Variants in SORCS1 observed in about 807,000 individuals in gnomAD.
SORCS1 encodes the protein VPS10 domain-containing receptor SorCS1.
A neutral mutation model predicts 146.1 loss-of-function variants in SORCS1; 60 were observed. The observed-to-expected ratio is 0.41, with a 90% CI of 0.33 to 0.51. SORCS1 has a LOEUF of 0.51. Ranked by LOEUF, SORCS1 falls within the 20% of genes least tolerant of loss-of-function variation. The pLI is 0.21. For synonymous variants in SORCS1, 637 were observed against 584.0 expected, an observed-to-expected ratio of 1.09 and a Z score of -1.31; for missense variants, 1,352 against 1,487.6, an observed-to-expected ratio of 0.91 and a Z score of 1.50.
intron 17 of SORCS1, among the ~76,000 whole-genome samples, chr10:106,660,046 A>G (rs1219818425): frequency 6.6e-6 from 1 of 152,168 alleles, no homozygotes; most frequent in Non-Finnish European, 1.5e-5. Flanking sequence ...CTTTAAACAC[A>G]TGCACCATTT....
At chr10:106,666,175 G>A (rs764968575) in intron 17 of SORCS1, among the ~76,000 whole-genome samples, 1 of 152,178 alleles carries the variant, frequency 6.6e-6, no homozygotes, top group Non-Finnish European at 1.5e-5. Flanking sequence ...TAACATTTAA[G>A]TCAGTAGACT....
chr10:107,165,169 C>T (rs946355876), upstream of SORCS1, among the ~76,000 whole-genome samples: 1 of 152,160 alleles, frequency 6.6e-6, no homozygotes, highest in Non-Finnish European at 1.5e-5. This position sits in a 1 kb window ranked among gnomAD's most constrained non-coding sequence, Gnocchi z 4.0. Context: ...CTCCTTCCCT[C>T]TCTTATGCTT....
At chr10:106,581,322 T>TACACACACACACACACAC (rs3044191) in intron 24 of SORCS1, among the ~76,000 whole-genome samples, 3 of 142,336 alleles carry the variant, frequency 2.1e-5, no homozygotes, top group African/African-American at 7.7e-5. Flanking sequence ...TCGTCATACA[T>TACACACACACACACACAC]ACACACACAC....
chr10:107,034,187 A>G (rs1412073841), intron 1 of SORCS1, among the ~76,000 whole-genome samples: 4 of 152,148 alleles, frequency 2.6e-5, no homozygotes, highest in African/African-American at 9.7e-5. Flanking sequence ...ATTGGGTAGT[A>G]AAGAAGATCT....
Position 106,582,555 on chromosome 10 carries a change from T to C in SORCS1, c.3266-3081A>G, listed in dbSNP as rs191914034. ...TTTCTTAGTTTGCCCAGCACTTAGG[T>C]GCATTTGTGTGTGTTTTGCTGAGGG... On this transcript the variant is annotated intron_variant, in intron 24 of 25. Coordinates refer to ENST00000263054, the MANE Select transcript of SORCS1 (RefSeq NM_052918.5). Among the ~76,000 whole-genome samples, 76 of 152,304 alleles carry C rather than the reference T, an allele frequency of 5.0e-4. 2 individuals carry two copies. In the South Asian group the frequency reaches 7.3e-3, roughly 15 times the overall value.
In SORCS1 at chr10:106,852,893, A is replaced by C. The variant is rs371777190; in HGVS notation, c.627-23220T>G. Among the ~76,000 whole-genome samples the C allele has an allele frequency of 7.2e-5, 11 of 152,246 alleles. No homozygotes were observed. In the East Asian group the frequency reaches 1.9e-3, roughly 27 times the overall value. ...ACATTATTGGATTGAGGGGTTTTGC[A>C]TCTTTGTTCATGAGAGATAATTGTC... On this transcript the variant is annotated intron_variant, in intron 2 of 25. Transcript: ENST00000263054.
In SORCS1 at chr10:106,669,363, A is replaced by AT. The variant is rs917639007; in HGVS notation, c.2190-1562dup. Reference sequence around the variant, plus strand: ...ACATTGGGACATCTCATCTCATCTCATTTTTTTTTTTCTCTTTGGTTTTCT... The same window carrying AT: ...ACATTGGGACATCTCATCTCATCTCATTTTTTTTTTTTCTCTTTGGTTTTCT... On this transcript the variant is annotated intron_variant, in intron 16 of 25. Transcript: ENST00000263054. 2.1e-3 allele frequency among the ~76,000 whole-genome samples: 318 copies of AT among 148,254 alleles called. 1 individual carries two copies. The highest frequency in any genetic ancestry group is 5.5e-3 in the East Asian group (28 of 5,098).
intron 10 of SORCS1, 64 bp from the exon 11 acceptor site, chr10:106,679,798 A>C: frequency 7.9e-7 from 1 of 1,271,814 alleles, no homozygotes; most frequent in Middle Eastern, 1.9e-4. Context: ...GAAGCTCAGA[A>C]TCAGATCATC....
the SORCS1 span, among the ~76,000 whole-genome samples, chr10:107,180,618 A>G: frequency 6.6e-6 from 1 of 151,850 alleles, no homozygotes; most frequent in Non-Finnish European, 1.5e-5. Flanking sequence ...TCTGTTTTCA[A>G]CTTCATTGAT....
At chr10:107,144,714 G>C (rs1391787431) in intron 1 of SORCS1, among the ~76,000 whole-genome samples, 1 of 152,242 alleles carries the variant, frequency 6.6e-6, no homozygotes, top group Non-Finnish European at 1.5e-5. Context: ...ATAGGGAACA[G>C]CTCCACCTGC....
intron 1 of SORCS1, among the ~76,000 whole-genome samples, chr10:107,154,519 T>C (rs748532415): frequency 5.3e-5 from 8 of 151,660 alleles, no homozygotes; most frequent in African/African-American, 1.9e-4. Context: ...TCACAACACA[T>C]GAAAAAAAAA....
At chr10:107,068,065 C>T (rs565203582) in intron 1 of SORCS1, among the ~76,000 whole-genome samples, 111 of 152,242 alleles carry the variant, frequency 7.3e-4, no homozygotes, top group African/African-American at 2.6e-3. Context: ...CTCATTCTTT[C>T]TCCGAGGTTT....
chr10:106,689,861 A>G (rs1270011088), intron 9 of SORCS1, among the ~76,000 whole-genome samples: 1 of 152,236 alleles, frequency 6.6e-6, no homozygotes, highest in Admixed American at 6.5e-5. Context: ...TTTGACAGTC[A>G]GACCTCATTA....
At chr10:106,733,041 G>A (rs1856710205) in intron 5 of SORCS1, among the ~76,000 whole-genome samples, 1 of 151,142 alleles carries the variant, frequency 6.6e-6, no homozygotes, top group African/African-American at 2.4e-5. Context: ...CTGGGAGGTG[G>A]AGGTTGCAGT....
chr10:106,776,790 G>T (rs1860467972), intron 3 of SORCS1, 98 bp from the exon 4 acceptor site: 2 of 1,364,764 alleles, frequency 1.5e-6, no homozygotes, highest in African/African-American at 1.5e-5. Flanking sequence ...GGGAAGGACA[G>T]GGGCAGGCAA....
chr10:106,751,384 G>A (rs1423537556), intron 5 of SORCS1, among the ~76,000 whole-genome samples: 19 of 152,114 alleles, frequency 1.2e-4, no homozygotes, highest in Admixed American at 1.2e-3. Flanking sequence ...TAAAAGAAGA[G>A]CGAACAAAGT....
intron 3 of SORCS1, among the ~76,000 whole-genome samples, chr10:106,826,629 CTA>C (rs1948318995): frequency 6.6e-6 from 1 of 152,204 alleles, no homozygotes; most frequent in Non-Finnish European, 1.5e-5. Flanking sequence ...AGTAGAAAAA[CTA>C]TGCACAAATA....
intron 1 of SORCS1, among the ~76,000 whole-genome samples, chr10:107,014,192 C>T (rs181300035): frequency 1.3e-3 from 182 of 140,638 alleles, no homozygotes; most frequent in African/African-American, 4.6e-3. Flanking sequence ...GCAGAGGTTG[C>T]GGTGAGCCAA....
intron 1 of SORCS1, among the ~76,000 whole-genome samples, chr10:107,114,487 TA>T: frequency 6.6e-6 from 1 of 152,196 alleles, no homozygotes; most frequent in African/African-American, 2.4e-5. Flanking sequence ...TGCACTACTT[TA>T]AAAGAACAAA....
Sources: allele counts gnomAD v4.1 joint callset (sites outside exome capture counted in the v4.1 genomes callset), GRCh38; gene constraint gnomAD v4.1.1; non-coding constraint Gnocchi (gnomAD v3.1); transcripts MANE v1.5; gene names NCBI Gene and HGNC (gene_info 2026-07-23, HGNC 2026-07-21).